The following SVEP1 variants were observed in gnomAD, a reference collection of about 807,000 sequenced individuals.
SVEP1 encodes sushi, von Willebrand factor type A, EGF and pentraxin domain containing 1.
A neutral mutation model predicts 367.3 loss-of-function variants in SVEP1; 164 were observed. That is an observed-to-expected ratio of 0.45 (90% CI 0.39 to 0.51). The LOEUF (loss-of-function observed/expected upper bound fraction) is 0.51. Ranked by LOEUF, SVEP1 falls within the 20% of genes least tolerant of loss-of-function variation. The pLI is 0.00. For missense variants in SVEP1, 4,117 were observed against 4,425.3 expected (o/e 0.93, Z 1.98); for synonymous variants, 1,666 against 1,611.6 (o/e 1.03, Z -0.81).
chr9:110,578,856 G>A (rs979081549), intron 1 of SVEP1, among the ~76,000 whole-genome samples, 157 bp downstream of exon 1: 9 of 152,160 alleles, frequency 5.9e-5, no homozygotes, highest in African/African-American at 2.2e-4. Context: ...AACAATAATA[G>A]GCGGGTAGCG....
chr9:110,392,621 T>C (rs182853391), intron 40 of SVEP1, among the ~76,000 whole-genome samples: 1 of 152,266 alleles, frequency 6.6e-6, no homozygotes, highest in African/African-American at 2.4e-5. Context: ...CTTCCCCTCA[T>C]CTACTGTTTG....
Position 110,387,276 on chromosome 9 carries a change from A to C in SVEP1, c.10060+9T>G. The C allele has an allele frequency of 1.3e-6, 2 of 1,569,886 alleles. No individual in the cohort carries two copies. Among genetic ancestry groups the C allele is most frequent in the Non-Finnish European group, 8.6e-7 (1 of 1,165,684 alleles). On this transcript the variant is annotated intron_variant, in intron 42 of 47. Transcript: ENST00000374469. ...TCTGATTAAAATTTCTCCTAAAGGC[A>C]ACACACACGTTTGCAGAGAGGGACT...
chr9:110,558,367 G>T (rs1830380579), intron 1 of SVEP1, among the ~76,000 whole-genome samples: 1 of 147,396 alleles, frequency 6.8e-6, no homozygotes, highest in African/African-American at 2.5e-5. Context: ...GCAAAAAATA[G>T]GCTGGTTATG....
intron 3 of SVEP1, 21 bp from the exon 4 acceptor site, chr9:110,514,127 G>T (rs548219219): frequency 9.4e-6 from 15 of 1,602,192 alleles, no homozygotes; most frequent in Non-Finnish European, 1.2e-5. Context: ...ACAAGCCGGA[G>T]AAGTCCATGT....
At chr9:110,545,791 C>A (rs901173953) in intron 3 of SVEP1, among the ~76,000 whole-genome samples, 30 of 152,166 alleles carry the variant, frequency 2.0e-4, no homozygotes, top group African/African-American at 7.2e-4. Flanking sequence ...GCCGTCCCCA[C>A]CTGAACAAGC....
chr9:110,528,150 G>GTA (rs1169936743), intron 3 of SVEP1, among the ~76,000 whole-genome samples: 155 of 42,676 alleles, frequency 3.6e-3, no homozygotes, highest in South Asian at 4.8e-3. Flanking sequence ...GTGTGTGTGT[G>GTA]TGTGTGTATA....
chr9:110,432,361 A>G (rs1828363559), intron 31 of SVEP1, 101 bp downstream of exon 31: 1 of 1,424,022 alleles, frequency 7.0e-7, no homozygotes, highest in Non-Finnish European at 9.5e-7. Flanking sequence ...GGATGAGATA[A>G]AGTTAACAAA....
At chr9:110,424,823 C>A (rs1163455511) in intron 36 of SVEP1, among the ~76,000 whole-genome samples, 1 of 152,146 alleles carries the variant, frequency 6.6e-6, no homozygotes, top group Non-Finnish European at 1.5e-5. Flanking sequence ...TATAGGCATG[C>A]ACCACCACAC....
At position 110,489,516 on chromosome 9, in the gene SVEP1, G is replaced by A. The variant is rs1829334088; in HGVS notation, c.1930+134C>T. 1.2e-5 allele frequency: 9 copies of A among 764,592 alleles called. No individual in the cohort carries two copies. In the South Asian group the frequency reaches 1.9e-4, roughly 16 times the overall value. 47.4% of individuals were successfully genotyped at this position (764,592 alleles called of 1,614,324 possible). A position where few individuals can be genotyped will look rare whatever the true frequency, so the allele number is the denominator to read the frequency against. ...TTCTGAGACTTATTCACTATCATGAGGACAGCATGGGAAAGACCCACCTCT... is the reference window on the plus strand; with the variant it reads ...TTCTGAGACTTATTCACTATCATGAAGACAGCATGGGAAAGACCCACCTCT... On this transcript the variant is annotated intron_variant, in intron 9 of 47. Coordinates refer to ENST00000374469, the MANE Select transcript of SVEP1 (RefSeq NM_153366.4).
chr9:110,450,256 C>G lies in SVEP1; in HGVS notation c.3906G>C (p.Leu1302=), dbSNP rs1039532013. 1.2e-6 allele frequency: 2 copies of G among 1,613,654 alleles called. No individual in the cohort carries two copies. The highest frequency in any genetic ancestry group is 2.7e-5 in the African/African-American group (2 of 74,996). Residue 1302 remains leucine, a synonymous_variant, in exon 24 of 48, where the codon CTG becomes CTC. Coordinates refer to ENST00000374469, the MANE Select transcript of SVEP1 (RefSeq NM_153366.4). ...RCTCVKGFVG[L]HCETEVNECQ... Reference sequence around the variant, plus strand: ...ATTCATTGACTTCTGTTTCACAATGCAGGCCTGAGGATGGAGAAGGAAGAG... The same window carrying G: ...ATTCATTGACTTCTGTTTCACAATGGAGGCCTGAGGATGGAGAAGGAAGAG...
intron 1 of SVEP1, among the ~76,000 whole-genome samples, chr9:110,555,688 T>C (rs1335425146): frequency 4.6e-5 from 7 of 151,980 alleles, no homozygotes; most frequent in African/African-American, 7.3e-5. Context: ...CAAGACAATA[T>C]ATTAAGCTTA....
At chr9:110,467,874 A>T (rs964054127) in intron 17 of SVEP1, among the ~76,000 whole-genome samples, 17 of 152,008 alleles carry the variant, frequency 1.1e-4, no homozygotes, top group Middle Eastern at 3.2e-3. Context: ...TGGCTCAAAC[A>T]AACTGCCTGC....
chr9:110,501,965 C>G (rs7033037), intron 6 of SVEP1, among the ~76,000 whole-genome samples: 1 of 151,762 alleles, frequency 6.6e-6, no homozygotes, highest in Non-Finnish European at 1.5e-5. Flanking sequence ...TACAGACCAA[C>G]GTAATGTTGG....
At chr9:110,413,148 C>A (rs1588042029) in intron 36 of SVEP1, among the ~76,000 whole-genome samples, 1 of 139,018 alleles carries the variant, frequency 7.2e-6, no homozygotes, top group Non-Finnish European at 1.6e-5. Flanking sequence ...ACCCAAATGT[C>A]CAACAATGAT....
At chr9:110,457,222 TATATTA>T (rs775153678) in intron 21 of SVEP1, 28 bp downstream of exon 21, 1 of 1,481,720 alleles carries the variant, frequency 6.7e-7, no homozygotes, top group Admixed American at 2.2e-5. Flanking sequence ...TCATATAAAA[TATATTA>T]AAATCTACAT....
At position 110,513,032 on chromosome 9, in the gene SVEP1, A is replaced by G; in HGVS notation, c.1197T>C (p.Asn399=). ...FIQNTCNNHF[N]AACGVRCHPG... ...GGTGACATCGGACCCCACAGGCTGC[A>G]TTGAAGTGGTTGTTGCAAGTGTTTT... The change falls in exon 5 of 48, where the codon AAT becomes AAC. Residue 399 remains asparagine, a synonymous_variant. Coordinates refer to ENST00000374469, the MANE Select transcript of SVEP1 (RefSeq NM_153366.4). 1 of 1,614,046 alleles carries G rather than the reference A, an allele frequency of 6.2e-7. No individual in the cohort carries two copies.
intron 1 of SVEP1, among the ~76,000 whole-genome samples, chr9:110,571,632 G>A (rs184089036): frequency 6.6e-6 from 1 of 152,120 alleles, no homozygotes; most frequent in African/African-American, 2.4e-5. Flanking sequence ...TTAAGCTAGT[G>A]GTACCTCAGA....
intron 37 of SVEP1, 98 bp from the exon 38 acceptor site, chr9:110,409,049 T>C: frequency 7.6e-7 from 1 of 1,318,006 alleles, no homozygotes; most frequent in Middle Eastern, 2.1e-4. Flanking sequence ...AGGTCTATGT[T>C]AAAATGAATC....
intron 30 of SVEP1, among the ~76,000 whole-genome samples, chr9:110,433,465 CTTTTTTT>C (rs11300153): frequency 2.5e-5 from 3 of 120,036 alleles, no homozygotes; most frequent in Non-Finnish European, 3.4e-5. Flanking sequence ...TTTTGTATTA[CTTTTTTT>C]TTTTTTTTTT....
Sources: allele counts gnomAD v4.1 joint callset (sites outside exome capture counted in the v4.1 genomes callset), GRCh38; gene constraint gnomAD v4.1.1; transcripts MANE v1.5; gene names NCBI Gene and HGNC (gene_info 2026-07-23, HGNC 2026-07-21).